Variants in AGBL4 observed in about 807,000 individuals in gnomAD.
The protein encoded by AGBL4 is AGBL carboxypeptidase 4, also known as cytosolic carboxypeptidase 6.
In AGBL4, 58 loss-of-function variants were observed where a neutral mutation model predicts 66.4. That is an observed-to-expected ratio of 0.87 (90% CI 0.71 to 1.09). AGBL4 has a LOEUF of 1.09. AGBL4 is among the 50% of genes least tolerant of loss of function. The pLI is 0.00. For missense variants in AGBL4, 579 were observed against 631.0 expected (o/e 0.92, Z 0.88); for synonymous variants, 234 against 222.9 (o/e 1.05, Z -0.44).
chr1:49,762,833 T>C (rs1652439942), intron 2 of AGBL4, among the ~76,000 whole-genome samples: 1 of 152,226 alleles, frequency 6.6e-6, no homozygotes, highest in Non-Finnish European at 1.5e-5. Context: ...CTGTAAGTTA[T>C]CTTTTCACTT....
intron 5 of AGBL4, among the ~76,000 whole-genome samples, chr1:49,026,380 C>A (rs1389575030): frequency 6.6e-6 from 1 of 151,940 alleles, no homozygotes; most frequent in African/African-American, 2.4e-5. Flanking sequence ...CAAGGAGCAA[C>A]CAATTTAGAA....
Position 48,776,841 on chromosome 1 carries a change from CG to C in AGBL4, c.634+90349del, listed in dbSNP as rs1350874918. On this transcript the variant is annotated intron_variant, in intron 6 of 13. Transcript: ENST00000371839. The stretch of plus-strand genomic sequence containing the variant: ...GCACAAAGGCGTACATGGTGGGCGC[CG>C]GGGGCGGGCCCCGGTCGGGCAGCTC... The C allele has an allele frequency of 2.6e-5, 36 of 1,397,316 alleles. 1 individual carries two copies. The South Asian group carries it at 2.6e-4, about 10-fold the overall frequency. The allele number at this position is 1,397,316 out of a possible 1,614,324, so 86.6% of individuals were successfully genotyped here. A position where few individuals can be genotyped will look rare whatever the true frequency, so the allele number is the denominator to read the frequency against.
intron 3 of AGBL4, among the ~76,000 whole-genome samples, chr1:49,381,641 A>G (rs1644612663): frequency 6.6e-6 from 1 of 152,166 alleles, no homozygotes; most frequent in Non-Finnish European, 1.5e-5. Flanking sequence ...TGTGGCACAT[A>G]TACACCATGG....
chr1:49,550,837 G>T (rs1204269612), intron 3 of AGBL4, among the ~76,000 whole-genome samples: 1 of 151,972 alleles, frequency 6.6e-6, no homozygotes, highest in East Asian at 1.9e-4. Context: ...CTTGTATTTG[G>T]ATGTCTAGGT....
intron 4 of AGBL4, among the ~76,000 whole-genome samples, chr1:49,116,508 A>T (rs1223427054): frequency 6.6e-6 from 1 of 152,138 alleles, no homozygotes; most frequent in Non-Finnish European, 1.5e-5. Flanking sequence ...GCTGAGAATG[A>T]TGTTTTCCAG....
At chr1:48,846,411 AAGAAAG>A (rs932671809) in intron 6 of AGBL4, among the ~76,000 whole-genome samples, 3 of 148,016 alleles carry the variant, frequency 2.0e-5, no homozygotes, top group Non-Finnish European at 2.9e-5. Flanking sequence ...GAAAGAAAGA[AAGAAAG>A]AAAGAAATTC....
chr1:49,704,562 G>T (rs1278948543), intron 2 of AGBL4, among the ~76,000 whole-genome samples: 1 of 152,020 alleles, frequency 6.6e-6, no homozygotes, highest in African/African-American at 2.4e-5. Context: ...ATTGTTCTAG[G>T]TCTTACCTTT....
intron 1 of AGBL4, among the ~76,000 whole-genome samples, chr1:49,997,163 C>G (rs543890278): frequency 6.6e-6 from 1 of 151,952 alleles, no homozygotes; most frequent in African/African-American, 2.4e-5. Flanking sequence ...ATGAGGTATT[C>G]GGGCAACAGA....
At chr1:48,596,428 C>A (rs1306534737) in intron 9 of AGBL4, among the ~76,000 whole-genome samples, 1 of 152,148 alleles carries the variant, frequency 6.6e-6, no homozygotes, top group African/African-American at 2.4e-5. Flanking sequence ...CAAATCTATT[C>A]TTTTCATTAT....
intron 3 of AGBL4, among the ~76,000 whole-genome samples, chr1:49,490,611 C>A (rs531515815): frequency 6.6e-6 from 1 of 151,632 alleles, no homozygotes; most frequent in Non-Finnish European, 1.5e-5. Context: ...AACATAAAAG[C>A]CAACAAGTCC....
intron 11 of AGBL4, among the ~76,000 whole-genome samples, chr1:48,568,650 C>T (rs1312140833): frequency 6.6e-6 from 1 of 152,228 alleles, no homozygotes; most frequent in East Asian, 1.9e-4. Context: ...CTTCCCTGTA[C>T]TTGAAGCTCC....
chr1:48,714,336 G>A (rs994674499), intron 6 of AGBL4, among the ~76,000 whole-genome samples: 4 of 152,114 alleles, frequency 2.6e-5, no homozygotes, highest in African/African-American at 9.7e-5. Flanking sequence ...CAAATCTTCA[G>A]TCCCCTCCCA....
chr1:49,392,148 AT>A (rs1252999024), intron 3 of AGBL4, among the ~76,000 whole-genome samples: 2 of 152,184 alleles, frequency 1.3e-5, no homozygotes, highest in Non-Finnish European at 2.9e-5. Flanking sequence ...GGCTGTTTAA[AT>A]TTTTTAAAAG....
chr1:49,934,607 C>T (rs1166322351), intron 1 of AGBL4, among the ~76,000 whole-genome samples: 1 of 152,002 alleles, frequency 6.6e-6, no homozygotes, highest in Non-Finnish European at 1.5e-5. Flanking sequence ...TATCTTGAAA[C>T]AAATTAAAAT....
chr1:49,591,861 G>T (rs1319874866), intron 3 of AGBL4, among the ~76,000 whole-genome samples: 3 of 152,086 alleles, frequency 2.0e-5, no homozygotes, highest in East Asian at 1.9e-4. Context: ...TCAATAAATG[G>T]TCCTAGAATA....
intron 1 of AGBL4, among the ~76,000 whole-genome samples, chr1:49,872,669 A>G (rs1480621742): frequency 6.6e-6 from 1 of 152,090 alleles, no homozygotes; most frequent in Non-Finnish European, 1.5e-5. Context: ...GGTTCCAGCA[A>G]AGCCAATTTT....
intron 6 of AGBL4, among the ~76,000 whole-genome samples, chr1:48,665,389 C>T (rs1646169797): frequency 6.6e-6 from 1 of 152,214 alleles, no homozygotes. Flanking sequence ...GGAGTAGGTG[C>T]TCGAGGACTG....
At chr1:49,402,713 A>G (rs1645113050) in intron 3 of AGBL4, among the ~76,000 whole-genome samples, 1 of 151,998 alleles carries the variant, frequency 6.6e-6, no homozygotes, top group Admixed American at 6.6e-5. Context: ...GATTACAGAC[A>G]TGCGCCACCA....
rs970837050 is a variant in AGBL4, at chr1:48,998,104, G to A, written c.594+47480C>T. ...AAGCCAAACTATTTCATCTTTATTG[G>A]CATTTTAAAAAATGCAATTTCATCG... On this transcript the variant is annotated intron_variant, in intron 5 of 13. Coordinates refer to ENST00000371839, the MANE Select transcript of AGBL4 (RefSeq NM_032785.4). 1.8e-4 allele frequency among the ~76,000 whole-genome samples: 27 copies of A among 152,108 alleles called. 1 individual carries two copies. The highest frequency in any genetic ancestry group is 6.3e-4 in the African/African-American group (26 of 41,408).
Sources: allele counts gnomAD v4.1 joint callset (sites outside exome capture counted in the v4.1 genomes callset), GRCh38; gene constraint gnomAD v4.1.1; transcripts MANE v1.5; gene names NCBI Gene and HGNC (gene_info 2026-07-23, HGNC 2026-07-21).